CPQ: variants seen among roughly 807,000 people sequenced by gnomAD.
CPQ encodes carboxypeptidase Q, also known as Ser-Met dipeptidase.
CPQ carries 37 observed loss-of-function variants against 45.7 expected under a neutral mutation model. That is an observed-to-expected ratio of 0.81 (90% CI 0.62 to 1.07). The LOEUF is 1.07. CPQ is among the 50% of genes least tolerant of loss of function. The pLI, the probability that CPQ is intolerant of heterozygous loss-of-function variation, is 0.00. For synonymous variants in CPQ, 186 were observed against 205.8 expected (o/e 0.90, Z 0.82); for missense variants, 537 against 572.9 (o/e 0.94, Z 0.64).
At position 96,747,589 on chromosome 8, in the gene CPQ, TG is replaced by T. The variant is rs1445730560; in HGVS notation, c.-34-37274del. Among the ~76,000 whole-genome samples the T allele has an allele frequency of 4.6e-5, 7 of 152,312 alleles. No individual in the cohort carries two copies. The South Asian group carries it at 1.4e-3, about 32-fold the overall frequency. ...GTCTTGGGCAGTCAGAGATGTGTAG[TG>T]TAAAGATTATTGGGCACTACTTAGG... On this transcript the variant is annotated intron_variant, in intron 1 of 7. Transcript: ENST00000220763.
chr8:96,961,543 TATGATAG>T (rs1299059762), intron 4 of CPQ, among the ~76,000 whole-genome samples: 1 of 152,222 alleles, frequency 6.6e-6, no homozygotes, highest in African/African-American at 2.4e-5. Context: ...GCCTTCATTT[TATGATAG>T]TTAAATTTAT....
intron 1 of CPQ, among the ~76,000 whole-genome samples, chr8:96,757,347 T>C (rs979652306): frequency 1.4e-4 from 18 of 125,530 alleles, no homozygotes; most frequent in African/African-American, 4.9e-4. Flanking sequence ...CAAGACTCCA[T>C]CTCAATGATA....
At chr8:96,978,466 T>C (rs931425573) in intron 5 of CPQ, among the ~76,000 whole-genome samples, 2 of 152,232 alleles carry the variant, frequency 1.3e-5, no homozygotes, top group Admixed American at 1.3e-4. Context: ...ATATTGCTGT[T>C]GTTATTGTAT....
intron 4 of CPQ, among the ~76,000 whole-genome samples, chr8:96,892,298 G>C (rs1329978498): frequency 6.6e-6 from 1 of 152,204 alleles, no homozygotes; most frequent in African/African-American, 2.4e-5. Flanking sequence ...TGAATAGTTA[G>C]AGACTGTACA....
rs755978642 is a variant in CPQ at position 96,879,810 on chromosome 8, T to C, written c.654T>C (p.Gly218=). The change falls in exon 4 of 8, where the codon GGT becomes GGC. Residue 218 remains glycine (G), a synonymous_variant. Transcript: ENST00000220763. ...ASFSIYSPHT[G]IQEYQDGVPK... is the part of the protein sequence containing the mutation. ...TTCTTCTCTCAAGTCCTCACACAGG[T>C]ATTCAGGAATACCAGGATGGCGTGC... is the stretch of plus-strand genomic sequence containing the variant. 8.7e-6 allele frequency: 14 copies of C among 1,613,950 alleles called. No homozygotes were observed. The South Asian group carries it at 1.5e-4, about 18-fold the overall frequency.
intron 7 of CPQ, among the ~76,000 whole-genome samples, chr8:97,074,553 C>A (rs1422324136): frequency 6.6e-6 from 1 of 152,176 alleles, no homozygotes; most frequent in Non-Finnish European, 1.5e-5. Flanking sequence ...AGGCAGATCA[C>A]CTGAGGTCAG....
At chr8:96,837,163 T>C (rs1382744633) in intron 3 of CPQ, among the ~76,000 whole-genome samples, 2 of 152,158 alleles carry the variant, frequency 1.3e-5, no homozygotes, top group African/African-American at 4.8e-5. Flanking sequence ...TGTTTAAGTT[T>C]TGCATCCTAA....
intron 1 of CPQ, among the ~76,000 whole-genome samples, chr8:96,755,474 C>T (rs1036505058): frequency 2.6e-5 from 4 of 151,792 alleles, no homozygotes; most frequent in Non-Finnish European, 5.9e-5. Flanking sequence ...AATACTTATT[C>T]ATAGGACATT....
chr8:96,665,284 A>G (rs1239961082), intron 1 of CPQ, among the ~76,000 whole-genome samples: 1 of 152,210 alleles, frequency 6.6e-6, no homozygotes, highest in Non-Finnish European at 1.5e-5. Flanking sequence ...CAGAGAAGGG[A>G]TAATTAAGAT....
chr8:96,719,400 C>T (rs1225172746), intron 1 of CPQ, among the ~76,000 whole-genome samples: 2 of 152,228 alleles, frequency 1.3e-5, no homozygotes, highest in African/African-American at 2.4e-5. Flanking sequence ...GCCAAGCCCA[C>T]GCCCACCCGG....
chr8:96,984,877 A>G (rs1586480440), intron 5 of CPQ, among the ~76,000 whole-genome samples: 1 of 152,188 alleles, frequency 6.6e-6, no homozygotes, highest in Admixed American at 6.6e-5. Flanking sequence ...GTTAGTACTT[A>G]TTAGATTGTC....
At chr8:96,687,568 A>G (rs1359401485) in intron 1 of CPQ, among the ~76,000 whole-genome samples, 1 of 150,780 alleles carries the variant, frequency 6.6e-6, no homozygotes, top group Admixed American at 6.6e-5. Context: ...CTTTTTTTCT[A>G]TTTTCCTGTT....
intron 1 of CPQ, among the ~76,000 whole-genome samples, chr8:96,717,689 C>T (rs113328943): frequency 0.024 from 3,653 of 152,082 alleles, 162 homozygotes; most frequent in African/African-American, 0.083. Flanking sequence ...CCAAAAGTTC[C>T]ATCATTTGTG....
intron 6 of CPQ, among the ~76,000 whole-genome samples, chr8:97,054,697 C>T (rs1299486182): frequency 2.6e-5 from 4 of 152,262 alleles, no homozygotes; most frequent in Non-Finnish European, 5.9e-5. Flanking sequence ...CATGTCCTCA[C>T]TTATAAGTTG....
chr8:96,800,206 T>C (rs1810988107), intron 2 of CPQ, among the ~76,000 whole-genome samples: 1 of 152,182 alleles, frequency 6.6e-6, no homozygotes, highest in South Asian at 2.1e-4. Flanking sequence ...AGTTCTGAAT[T>C]GGCAACTTAA....
chr8:96,900,219 T>C (rs934525753), intron 4 of CPQ, among the ~76,000 whole-genome samples: 1 of 152,110 alleles, frequency 6.6e-6, no homozygotes, highest in African/African-American at 2.4e-5. Flanking sequence ...AAGTCCAACA[T>C]TTTTGCCTTG....
chr8:97,029,366 A>C (rs758756281), intron 5 of CPQ, 37 bp from the exon 6 acceptor site: 13 of 1,543,046 alleles, frequency 8.4e-6, no homozygotes, highest in Non-Finnish European at 9.7e-6. Context: ...TTCAAAATCA[A>C]CTAAAGTATC....
At chr8:96,689,468 A>AT (rs1405211620) in intron 1 of CPQ, among the ~76,000 whole-genome samples, 2 of 152,154 alleles carry the variant, frequency 1.3e-5, no homozygotes, top group Non-Finnish European at 2.9e-5. Context: ...ACTATTAGTC[A>AT]TTTTGCCAGA....
chr8:96,917,207 G>GTA lies in CPQ; in HGVS notation c.849+37212_849+37213dup, dbSNP rs530998567. Reference sequence around the variant, plus strand: ...CTCCACCTCTTTAAGGGTGTAGTTTGTATATATATATTATCCATAATTCTT... The same window carrying GTA: ...CTCCACCTCTTTAAGGGTGTAGTTTGTATATATATATATTATCCATAATTCTT... On this transcript the variant is annotated intron_variant, in intron 4 of 7. Transcript: ENST00000220763. Among the ~76,000 whole-genome samples the GTA allele has an allele frequency of 2.6e-3, 389 of 151,950 alleles. 2 individuals carry two copies. Among genetic ancestry groups the GTA allele is most frequent in the African/African-American group, 8.8e-3 (366 of 41,418 alleles).
Sources: gnomAD v4.1 joint callset for allele counts (sites outside exome capture counted in the v4.1 genomes callset) on GRCh38, gnomAD v4.1.1 for gene constraint, MANE v1.5 for transcripts, NCBI Gene and HGNC (gene_info 2026-07-23, HGNC 2026-07-21) for gene names.